FGF13: variants seen among roughly 807,000 people sequenced by gnomAD.
FGF13 encodes fibroblast growth factor 13, also known as fibroblast growth factor homologous factor 2.
A neutral mutation model predicts 19.5 loss-of-function variants in FGF13; 2 were observed. The observed-to-expected ratio is 0.10, with a 90% CI of 0.04 to 0.32. FGF13 has a LOEUF of 0.32. FGF13 is among the 10% of genes least tolerant of loss of function. The pLI, the probability that FGF13 is intolerant of heterozygous loss-of-function variation, is 1.00. For missense variants in FGF13, 113 were observed against 192.7 expected (o/e 0.59, Z 2.45); for synonymous variants, 72 against 76.9 (o/e 0.94, Z 0.33).
At chrX:138,743,053 A>G (rs2090330342), upstream of FGF13, among the ~76,000 whole-genome samples, 1 of 111,578 alleles carries the variant, frequency 9.0e-6, no homozygotes, top group African/African-American at 3.3e-5. Flanking sequence ...CTGAGTACCC[A>G]TGAGTTGAAA....
chrX:138,619,083 C>CAA lies in FGF13; in HGVS notation c.*13765_*13766dup, dbSNP rs200202624. 2.1e-5 allele frequency: 2 copies of CAA among 95,743 alleles called. No individual in the cohort carries two copies. Among genetic ancestry groups the CAA allele is most frequent in the African/African-American group, 7.6e-5 (2 of 26,282 alleles). The allele number at this position is 95,743 out of a possible 1,213,427, so 7.9% of individuals were successfully genotyped here. ...AACTCAGTAATTTTCCAGTTGCCAA[C>CAA]AAAAAAAAATGGAGATCTACAAATT... On this transcript the variant is annotated 3_prime_UTR_variant, in exon 5 of 5. Coordinates refer to ENST00000315930, the MANE Select transcript of FGF13 (RefSeq NM_004114.5).
intron 3 of FGF13, among the ~76,000 whole-genome samples, chrX:138,763,670 G>A (rs764638886): frequency 7.2e-5 from 8 of 111,846 alleles, no homozygotes; most frequent in Non-Finnish European, 1.3e-4. Flanking sequence ...ATACTAAAGA[G>A]TTGGCATTCT....
chrX:139,024,913 A>C (rs2092195177), intron 1 of FGF13, among the ~76,000 whole-genome samples: 1 of 110,721 alleles, frequency 9.0e-6, no homozygotes, highest in Non-Finnish European at 1.9e-5. Context: ...TAGGCCTCCT[A>C]ATAATTCTTC....
At chrX:139,155,140 C>T (rs1185283337) in intron 1 of FGF13, among the ~76,000 whole-genome samples, 1 of 111,657 alleles carries the variant, frequency 9.0e-6, no homozygotes, top group East Asian at 2.8e-4. Flanking sequence ...AAAACAGGAG[C>T]ACATATACAG....
Position 138,709,038 on chromosome X carries a change from A to C in FGF13, c.188-110T>G, listed in dbSNP as rs756150207. 110 of 438,385 alleles carry C rather than the reference A, an allele frequency of 2.5e-4. 2 individuals are homozygous for C. In the Admixed American group the frequency reaches 3.6e-3, roughly 14 times the overall value. The allele number at this position is 438,385 out of a possible 1,213,427, so 36.1% of individuals were successfully genotyped here. On this transcript the variant is annotated intron_variant, in intron 1 of 4. Coordinates refer to ENST00000315930, the MANE Select transcript of FGF13 (RefSeq NM_004114.5). ...TTTACAAATCTTAATGGAAAAAGTC[A>C]AACTACACTTTTAAGGTGTCTGGAA... is the stretch of plus-strand genomic sequence containing the variant.
chrX:138,878,323 C>T (rs1602990056), intron 1 of FGF13, among the ~76,000 whole-genome samples: 1 of 79,425 alleles, frequency 1.3e-5, no homozygotes, highest in South Asian at 8.6e-4. Context: ...CACAACAGTC[C>T]CCAGAGTGTG....
intron 1 of FGF13, among the ~76,000 whole-genome samples, chrX:138,913,920 A>G (rs1244931759): frequency 9.1e-6 from 1 of 110,070 alleles, no homozygotes; most frequent in African/African-American, 3.3e-5. Flanking sequence ...GAAGGCTCTC[A>G]CTGTTATTCT....
intron 1 of FGF13, among the ~76,000 whole-genome samples, chrX:139,139,935 T>C (rs73633973): frequency 0.05 from 5,554 of 111,227 alleles, 378 homozygotes; most frequent in African/African-American, 0.17. Context: ...TTGATTTTCC[T>C]TCTATGTCTT....
intron 3 of FGF13, among the ~76,000 whole-genome samples, chrX:138,823,141 T>C (rs762013712): frequency 1.8e-5 from 2 of 111,262 alleles, no homozygotes; most frequent in Non-Finnish European, 3.8e-5. Flanking sequence ...GTCCAATGTG[T>C]CTGGAACAAG....
At chrX:139,105,154 A>G (rs1659068470) in intron 1 of FGF13, among the ~76,000 whole-genome samples, 1 of 110,844 alleles carries the variant, frequency 9.0e-6, no homozygotes, top group African/African-American at 3.3e-5. Flanking sequence ...AGAGTCGTGG[A>G]ACTCAGGGCT....
Position 139,085,362 on chromosome X carries a change from T to C in FGF13, c.-113+118054A>G, listed in dbSNP as rs1453409280. Among the ~76,000 whole-genome samples, 3 of 111,875 alleles carry C rather than the reference T, an allele frequency of 2.7e-5. 1 individual carries two copies. Among genetic ancestry groups the C allele is most frequent in the Non-Finnish European group, 3.8e-5 (2 of 53,198 alleles). On this transcript the variant is annotated intron_variant, in intron 1 of 2. Coordinates refer to the FGF13 transcript ENST00000421460. ...ACTCTCCTCATCTCTAAAATGGAAA[T>C]AATAATAGTACATAACAAATAACAT...
At chrX:138,675,431 T>G (rs1301525296) in intron 3 of FGF13, among the ~76,000 whole-genome samples, 3 of 112,054 alleles carry the variant, frequency 2.7e-5, no homozygotes, top group Non-Finnish European at 5.6e-5. Context: ...AATTTTATTA[T>G]GAAAATCTTG....
chrX:138,659,152 A>C (rs2089464991), intron 3 of FGF13, among the ~76,000 whole-genome samples: 1 of 112,088 alleles, frequency 8.9e-6, no homozygotes, highest in Non-Finnish European at 1.9e-5. Context: ...GCAATGAGCT[A>C]AAAATGTTCT....
intron 1 of FGF13, among the ~76,000 whole-genome samples, chrX:138,953,993 T>C (rs1201180724): frequency 1.8e-5 from 2 of 111,013 alleles, no homozygotes; most frequent in Non-Finnish European, 3.8e-5. Context: ...AATATCTTTA[T>C]CTTGTTAGGG....
intron 1 of FGF13, among the ~76,000 whole-genome samples, chrX:138,936,447 C>T (rs1231485909): frequency 2.7e-5 from 3 of 112,115 alleles, no homozygotes; most frequent in Non-Finnish European, 5.6e-5. Context: ...AGATAATGCA[C>T]ATGAAGCATT....
At chrX:139,109,481 T>C (rs930059945) in intron 1 of FGF13, among the ~76,000 whole-genome samples, 3 of 111,598 alleles carry the variant, frequency 2.7e-5, no homozygotes, top group African/African-American at 6.5e-5. Context: ...GGAAGACAAA[T>C]GCATGCCCTA....
At chrX:139,131,400 TG>T (rs2083760642) in intron 1 of FGF13, among the ~76,000 whole-genome samples, 2 of 108,389 alleles carry the variant, frequency 1.8e-5, no homozygotes, top group Non-Finnish European at 3.8e-5. Context: ...TGTGTGTGTG[TG>T]TGTGTGTGTG....
intron 1 of FGF13, among the ~76,000 whole-genome samples, chrX:139,128,679 T>C (rs1028089975): frequency 8.9e-6 from 1 of 112,377 alleles, no homozygotes; most frequent in Non-Finnish European, 1.9e-5. Context: ...AATGATAATA[T>C]GAAAATTGCC....
chrX:138,877,228 GTT>G (rs766764205), intron 1 of FGF13, among the ~76,000 whole-genome samples: 1 of 102,517 alleles, frequency 9.8e-6, no homozygotes, highest in African/African-American at 3.5e-5. Flanking sequence ...CATGTATTCT[GTT>G]TTTTTTTTAA....
Sources: gnomAD v4.1 joint callset for allele counts (sites outside exome capture counted in the v4.1 genomes callset) on GRCh38, gnomAD v4.1.1 for gene constraint, MANE v1.5 for transcripts, NCBI Gene and HGNC (gene_info 2026-07-23, HGNC 2026-07-21) for gene names.